Variants in DGCR2 observed in about 807,000 individuals in gnomAD.
DGCR2 encodes the protein integral membrane protein DGCR2/IDD.
In DGCR2, 24 loss-of-function variants were observed where a neutral mutation model predicts 51.6. The ratio of observed to expected loss-of-function variants is 0.47; its 90% confidence interval spans 0.34 to 0.65. The LOEUF is 0.65. Among genes scored for constraint, DGCR2 ranks in the 30% least tolerant of loss-of-function variants. The probability of loss-of-function intolerance (pLI) is 0.01; values close to 1 mark genes in which losing one functional copy is unlikely to be tolerated. For missense variants in DGCR2, 765 were observed against 772.1 expected, an observed-to-expected ratio of 0.99 and a Z score of 0.11; for synonymous variants, 340 against 315.4, an observed-to-expected ratio of 1.08 and a Z score of -0.82.
chr22:19,064,982 G>A lies in DGCR2; in HGVS notation c.414C>T (p.Tyr138=), dbSNP rs2082731634. 1 of 1,614,048 alleles carries A rather than the reference G, an allele frequency of 6.2e-7. No individual in the cohort carries two copies. Among genetic ancestry groups the A allele is most frequent in the East Asian group, 2.2e-5 (1 of 44,884 alleles). The part of the protein sequence containing the change: ...CYRVYLSGEN[Y]WDAAQTCQRL... ...GCTGGCAGGTCTGCGCGGCATCCCA[G>A]TAGTTCTCCCCGCTCAGGTAGACCC... The change falls in exon 4 of 10, where the codon TAC becomes TAT. Residue 138 remains tyrosine, a synonymous_variant. Coordinates refer to ENST00000263196, the MANE Select transcript of DGCR2 (RefSeq NM_005137.3).
In DGCR2 at chr22:19,041,181, G is replaced by A. The variant is rs200680732; in HGVS notation, c.1273C>T (p.His425Tyr). ...TAGGGAGGTGGAGGGTCGTGGAAAT[G>A]GAAAGTCCCACCCTCTCCGTCGTCA... is the stretch of plus-strand genomic sequence containing the variant. ...LSDDGEGGTF[H>Y]FHDPPPPYTA... The change falls in exon 9 of 10, where the codon CAT becomes TAT. Residue 425 changes from histidine to tyrosine, a missense_variant. Coordinates refer to ENST00000263196, the MANE Select transcript of DGCR2 (RefSeq NM_005137.3). 1.2e-6 allele frequency: 2 copies of A among 1,613,818 alleles called. No homozygotes were observed. The highest frequency in any genetic ancestry group is 1.3e-5 in the African/African-American group (1 of 74,862).
chr22:19,048,682 C>A, intron 6 of DGCR2, 39 bp from the exon 7 acceptor site: 1 of 1,598,134 alleles, frequency 6.3e-7, no homozygotes, highest in African/African-American at 1.3e-5. Flanking sequence ...GTATACAATG[C>A]CAAAAAAGGT....
chr22:19,045,626 T>C (rs1180498725), intron 7 of DGCR2, among the ~76,000 whole-genome samples: 2 of 152,272 alleles, frequency 1.3e-5, no homozygotes, highest in Non-Finnish European at 2.9e-5. Flanking sequence ...GGTCTTGCTA[T>C]GTTAGCCAGG....
Position 19,117,516 on chromosome 22 carries a change from A to C in DGCR2, c.79+4612T>G, listed in dbSNP as rs2083386113. On this transcript the variant is annotated intron_variant, in intron 1 of 9. Transcript: ENST00000263196. ...GTGGGGTTAAGTGGGAGCAGCCTCT[A>C]CTCTCTGCAATGGTTAACATGTACA... 2.0e-5 allele frequency among the ~76,000 whole-genome samples: 3 copies of C among 152,216 alleles called. No homozygotes were observed. In the South Asian group the frequency reaches 6.2e-4, roughly 32 times the overall value.
rs572290393 is a variant in DGCR2 at position 19,036,519 on chromosome 22, G to A, written c.*2346C>T. 1 of 152,470 alleles carries A rather than the reference G, an allele frequency of 6.6e-6. No individual in the cohort carries two copies. The highest frequency in any genetic ancestry group is 1.5e-5 in the Non-Finnish European group (1 of 68,078). The allele number at this position is 152,470 out of a possible 1,614,324, so 9.4% of individuals were successfully genotyped here. A position where few individuals can be genotyped will look rare whatever the true frequency, so the allele number is the denominator to read the frequency against. On this transcript the variant is annotated 3_prime_UTR_variant, in exon 10 of 10. Coordinates refer to ENST00000263196, the MANE Select transcript of DGCR2 (RefSeq NM_005137.3). ...GAGGAGGAGGACCCCTGGAGCACAAGGTTCAGCAAGGGTGACCCCGGGACT... is the reference window on the plus strand; with the variant it reads ...GAGGAGGAGGACCCCTGGAGCACAAAGTTCAGCAAGGGTGACCCCGGGACT...
intron 2 of DGCR2, among the ~76,000 whole-genome samples, chr22:19,072,062 G>A: frequency 6.6e-6 from 1 of 152,020 alleles, no homozygotes. Context: ...GACAAGGCAG[G>A]TGGACACACC....
intron 2 of DGCR2, among the ~76,000 whole-genome samples, chr22:19,078,520 G>A (rs1036167185): frequency 6.6e-6 from 1 of 152,100 alleles, no homozygotes; most frequent in South Asian, 2.1e-4. Flanking sequence ...ATACAAACAG[G>A]GATAACTTTA....
intron 1 of DGCR2, among the ~76,000 whole-genome samples, chr22:19,116,954 GATCACCTCCC>G (rs138665477): frequency 0.093 from 14,186 of 151,800 alleles, 724 homozygotes; most frequent in Middle Eastern, 0.15. Context: ...TGCATAATGA[GATCACCTCCC>G]ATCACCTCCC....
chr22:19,039,989 G>C (rs1310193804), intron 9 of DGCR2, among the ~76,000 whole-genome samples: 1 of 152,188 alleles, frequency 6.6e-6, no homozygotes, highest in African/African-American at 2.4e-5. Context: ...CTGGATTACA[G>C]GTGTGAGCCA....
intron 6 of DGCR2, among the ~76,000 whole-genome samples, chr22:19,052,656 CT>C (rs2082561944): frequency 6.6e-6 from 1 of 151,738 alleles, no homozygotes; most frequent in African/African-American, 2.4e-5. Flanking sequence ...TGGCATGCAC[CT>C]GTGGTCCCAG....
chr22:19,046,308 A>C (rs1320019677), intron 7 of DGCR2: 2 of 152,128 alleles, frequency 1.3e-5, no homozygotes, highest in Non-Finnish European at 2.9e-5. Context: ...CAAAATTTTC[A>C]ATTTTCAACT....
intron 2 of DGCR2, among the ~76,000 whole-genome samples, chr22:19,082,812 C>T (rs369427674): frequency 2.1e-4 from 31 of 150,930 alleles, no homozygotes; most frequent in Middle Eastern, 7.1e-3. Context: ...GGTGGCTGGG[C>T]GCAGTGGCTC....
chr22:19,041,470 G>C, intron 8 of DGCR2, 176 bp from the exon 9 acceptor site: 2 of 649,818 alleles, frequency 3.1e-6, no homozygotes, highest in East Asian at 2.7e-5. Context: ...GGTGTGCTCC[G>C]TGGCATGTCT....
At chr22:19,071,192 T>A (rs2082811130) in intron 2 of DGCR2, among the ~76,000 whole-genome samples, 2 of 152,210 alleles carry the variant, frequency 1.3e-5, no homozygotes. Flanking sequence ...CTCCATGACC[T>A]GTGCAGCTCG....
chr22:19,091,947 T>C (rs1018290721), intron 1 of DGCR2, among the ~76,000 whole-genome samples: 2 of 151,750 alleles, frequency 1.3e-5, no homozygotes, highest in African/African-American at 4.8e-5. Context: ...ATTACTGAAA[T>C]TGAAAACAGA....
At chr22:19,062,779 A>ACTCGCTCACTCTCT (rs2082688729) in intron 5 of DGCR2, among the ~76,000 whole-genome samples, 2 of 127,354 alleles carry the variant, frequency 1.6e-5, no homozygotes, top group South Asian at 2.9e-4. Flanking sequence ...ATGCATGCTC[A>ACTCGCTCACTCTCT]CTCTCTCTCT....
At chr22:19,050,238 A>T (rs2082535024) in intron 6 of DGCR2, among the ~76,000 whole-genome samples, 1 of 152,232 alleles carries the variant, frequency 6.6e-6, no homozygotes, top group Non-Finnish European at 1.5e-5. Flanking sequence ...AGCAAATGGG[A>T]CGTGACTTGT....
intron 1 of DGCR2, among the ~76,000 whole-genome samples, chr22:19,120,033 C>A (rs1336741627): frequency 5.3e-5 from 8 of 152,128 alleles, no homozygotes; most frequent in Non-Finnish European, 1.2e-4. Context: ...CAGGCAGATC[C>A]CTGCAGCACT....
At chr22:19,081,960 A>G (rs1318314960) in intron 2 of DGCR2, among the ~76,000 whole-genome samples, 1 of 152,150 alleles carries the variant, frequency 6.6e-6, no homozygotes, top group Non-Finnish European at 1.5e-5. Flanking sequence ...TATACACTGA[A>G]TTAGAATCCT....
Sources: gnomAD v4.1 joint callset for allele counts (sites outside exome capture counted in the v4.1 genomes callset) on GRCh38, gnomAD v4.1.1 for gene constraint, MANE v1.5 for transcripts, NCBI Gene and HGNC (gene_info 2026-07-23, HGNC 2026-07-21) for gene names.